TRPV5: variants seen among roughly 807,000 people sequenced by gnomAD.
TRPV5 encodes transient receptor potential cation channel subfamily V member 5.
A neutral mutation model predicts 74.1 loss-of-function variants in TRPV5; 66 were observed. That is an observed-to-expected ratio of 0.89 (90% CI 0.73 to 1.09). TRPV5 has a LOEUF of 1.09. Ranked by LOEUF, TRPV5 falls within the 50% of genes least tolerant of loss-of-function variation. The probability of loss-of-function intolerance (pLI) is 0.00; values close to 1 mark genes in which losing one functional copy is unlikely to be tolerated. For missense variants in TRPV5, 936 were observed against 930.4 expected (o/e 1.01, Z -0.08); for synonymous variants, 399 against 360.7 (o/e 1.11, Z -1.20).
intron 8 of TRPV5, among the ~76,000 whole-genome samples, chr7:142,920,792 G>A (rs554756527): frequency 9.9e-5 from 15 of 152,198 alleles, no homozygotes; most frequent in South Asian, 4.1e-4. Flanking sequence ...CACTCAAAAC[G>A]CGGTGCACAG....
intron 8 of TRPV5, among the ~76,000 whole-genome samples, chr7:142,919,548 G>A (rs1203591671): frequency 1.6e-4 from 25 of 152,164 alleles, no homozygotes; most frequent in Non-Finnish European, 2.8e-4. Context: ...GGCTAACAAC[G>A]CACAGAGAAG....
chr7:142,929,844 G>C (rs4252406), intron 3 of TRPV5, among the ~76,000 whole-genome samples: 3,207 of 152,238 alleles, frequency 0.021, 117 homozygotes, highest in African/African-American at 0.072. Context: ...GTCCTACAGG[G>C]ACTATGGGAG....
rs140007515 is a variant in TRPV5, at chr7:142,921,407, G to A, written c.1122+4122C>T. Among the ~76,000 whole-genome samples, 154 of 152,056 alleles carry A rather than the reference G, an allele frequency of 1.0e-3. 1 individual carries two copies. In the East Asian group the frequency reaches 0.027, roughly 27 times the overall value. ...AGCGATTCTCCTCTCTCAGCCTCCC[G>A]AATAGCTGGGATTACAGGTGCTCAC... On this transcript the variant is annotated intron_variant, in intron 8 of 14. Transcript: ENST00000265310.
At chr7:142,920,893 AG>A (rs536030797) in intron 8 of TRPV5, among the ~76,000 whole-genome samples, 140 of 152,316 alleles carry the variant, frequency 9.2e-4, no homozygotes, top group Non-Finnish European at 1.7e-3. Context: ...CAGTTTAATA[AG>A]GCCTCAAAAA....
chr7:142,927,937 A>G (rs1796013841), intron 7 of TRPV5, 151 bp downstream of exon 7: 1 of 892,896 alleles, frequency 1.1e-6, no homozygotes, highest in Non-Finnish European at 1.7e-6. Context: ...TGTGCATTGG[A>G]CTTTCCCCCA....
At chr7:142,923,930 A>C (rs1795924705) in intron 8 of TRPV5, among the ~76,000 whole-genome samples, 1 of 152,172 alleles carries the variant, frequency 6.6e-6, no homozygotes, top group South Asian at 2.1e-4. Context: ...GAGACAAAGG[A>C]AGGTTGGAGA....
intron 8 of TRPV5, among the ~76,000 whole-genome samples, chr7:142,919,084 C>T (rs563674980): frequency 3.3e-5 from 5 of 152,188 alleles, no homozygotes; most frequent in African/African-American, 9.7e-5. Context: ...TCACCCTCAC[C>T]GATGCCTCAA....
At chr7:142,932,865 T>A (rs1411400543) in intron 1 of TRPV5, among the ~76,000 whole-genome samples, 1 of 152,206 alleles carries the variant, frequency 6.6e-6, no homozygotes, top group Admixed American at 6.5e-5. Flanking sequence ...GCTGCCCTCC[T>A]CCACTGGTCA....
At chr7:142,914,542 C>A in intron 12 of TRPV5, 98 bp downstream of exon 12, 5 of 1,070,656 alleles carry the variant, frequency 4.7e-6, no homozygotes, top group South Asian at 1.5e-5. Context: ...AAAAAGAAAG[C>A]AAAATGAAGT....
Position 142,929,712 on chromosome 7 carries a change from G to C in TRPV5, c.350-147C>G, listed in dbSNP as rs55951211. On this transcript the variant is annotated intron_variant, in intron 3 of 14. Transcript: ENST00000265310. Reference sequence around the variant, plus strand: ...GCTTGGCAGGGTGGCCTGGGACTAAGAGCAATTCATCCCTCAGGCTGCCCT... The same window carrying C: ...GCTTGGCAGGGTGGCCTGGGACTAACAGCAATTCATCCCTCAGGCTGCCCT... The C allele has an allele frequency of 4.4e-5, 57 of 1,288,228 alleles. 1 individual carries two copies. In the Admixed American group the frequency reaches 9.1e-4, roughly 20 times the overall value. 79.8% of individuals were successfully genotyped at this position (1,288,228 alleles called of 1,614,324 possible). A position where few individuals can be genotyped will look rare whatever the true frequency, so the allele number is the denominator to read the frequency against.
At chr7:142,924,255 T>C (rs1288227742) in intron 8 of TRPV5, among the ~76,000 whole-genome samples, 2 of 126,740 alleles carry the variant, frequency 1.6e-5, no homozygotes, top group Non-Finnish European at 3.1e-5. Flanking sequence ...CATATACATG[T>C]ATATATATAC....
At position 142,930,033 on chromosome 7, in the gene TRPV5, T is replaced by C. The variant is rs1456424556; in HGVS notation, c.349+25A>G. 5.6e-6 allele frequency: 9 copies of C among 1,613,408 alleles called. No individual in the cohort carries two copies. In the South Asian group the frequency reaches 6.6e-5, roughly 12 times the overall value. Reference sequence around the variant, plus strand: ...CACCCTCCATCTCAAAGTTTCCACCTTGAATTACCATGTAGGCTCCTTACC... The same window carrying C: ...CACCCTCCATCTCAAAGTTTCCACCCTGAATTACCATGTAGGCTCCTTACC... On this transcript the variant is annotated intron_variant, in intron 3 of 14. Transcript: ENST00000265310.
Position 142,925,566 on chromosome 7 carries a change from G to A in TRPV5, c.1085C>T (p.Ser362Phe). Reference protein sequence around the residue: ...LKFRGGNRTHSRDITILQQKL... With the variant: ...LKFRGGNRTHFRDITILQQKL... ...TTGCTGGAGGATGGTGATGTCTCGA[G>A]AATGAGTGCGGTTGCCACCACGAAA... Residue 362 changes from serine (S) to phenylalanine (F), a missense_variant, in exon 8 of 15, where the codon TCT becomes TTT. Physicochemically the swap from Ser to Phe is radical, Grantham distance 155. Coordinates refer to ENST00000265310, the MANE Select transcript of TRPV5 (RefSeq NM_019841.7). 1 of 1,614,220 alleles carries A rather than the reference G, an allele frequency of 6.2e-7. No individual in the cohort carries two copies. The highest frequency in any genetic ancestry group is 1.3e-5 in the African/African-American group (1 of 75,056).
chr7:142,925,554 G>T lies in TRPV5; in HGVS notation c.1097C>A (p.Thr366Asn). 1.2e-6 allele frequency: 2 copies of T among 1,614,182 alleles called. No individual in the cohort carries two copies. Among genetic ancestry groups the T allele is most frequent in the South Asian group, 1.1e-5 (1 of 91,084 alleles). The change falls in exon 8 of 15, where the codon ACC becomes AAC. Residue 366 changes from threonine to asparagine, a missense_variant. Transcript: ENST00000265310. Reference protein sequence around the residue: ...GGNRTHSRDITILQQKLLQEA... With the variant: ...GGNRTHSRDINILQQKLLQEA... ...CTGTAGTAGTTTTTGCTGGAGGATGGTGATGTCTCGAGAATGAGTGCGGTT... is the reference window on the plus strand; with the variant it reads ...CTGTAGTAGTTTTTGCTGGAGGATGTTGATGTCTCGAGAATGAGTGCGGTT...
intron 8 of TRPV5, among the ~76,000 whole-genome samples, chr7:142,924,263 T>G (rs1402326443): frequency 8.2e-6 from 1 of 121,520 alleles, no homozygotes; most frequent in Non-Finnish European, 1.6e-5. Flanking sequence ...TGTATATATA[T>G]ACATATATAT....
In TRPV5 at chr7:142,908,460, T is replaced by A. The variant is rs1457648228; in HGVS notation, c.*54A>T. 1 of 1,591,680 alleles carries A rather than the reference T, an allele frequency of 6.3e-7. No homozygotes were observed. Among genetic ancestry groups the A allele is most frequent in the Admixed American group, 1.7e-5 (1 of 59,296 alleles). The stretch of plus-strand genomic sequence containing the variant: ...TTGCATAGGCAGAGGTCTCCGTCTC[T>A]GTCCCCGCCCCCAGGCCAACCGGGA... On this transcript the variant is annotated 3_prime_UTR_variant, in exon 15 of 15. Coordinates refer to ENST00000265310, the MANE Select transcript of TRPV5 (RefSeq NM_019841.7).
chr7:142,912,721 G>A lies in TRPV5; in HGVS notation c.1549C>T (p.Pro517Ser). 1 of 1,614,118 alleles carries A rather than the reference G, an allele frequency of 6.2e-7. No individual in the cohort carries two copies. The part of the protein sequence containing the change: ...AFYIIFQTED[P>S]TSLGQFYDYP... ...TCATAGAATTGCCCCAGACTGGTTG[G>A]GTCCTCTGTCTGGAAAATGATATAG... The change falls in exon 13 of 15, where the codon CCA becomes TCA. Residue 517 changes from proline to serine, a missense_variant. Coordinates refer to ENST00000265310, the MANE Select transcript of TRPV5 (RefSeq NM_019841.7).
chr7:142,932,527 G>T (rs974880610), intron 1 of TRPV5, among the ~76,000 whole-genome samples: 1 of 152,168 alleles, frequency 6.6e-6, no homozygotes, highest in South Asian at 2.1e-4. Context: ...GAGTACAGGG[G>T]AGCCCTTTGT....
Position 142,912,438 on chromosome 7 carries a change from C to T in TRPV5, c.1788+44G>A, listed in dbSNP as rs769341849. ...TAACATTTTCCACTTTGATTTTTCT[C>T]TCCAACCCCTGCTTCTTAGCAAGAC... On this transcript the variant is annotated intron_variant, in intron 13 of 14. Coordinates refer to ENST00000265310, the MANE Select transcript of TRPV5 (RefSeq NM_019841.7). 1.4e-5 allele frequency: 22 copies of T among 1,581,928 alleles called. No homozygotes were observed. In the South Asian group the frequency reaches 2.4e-4, roughly 17 times the overall value.
Sources: gnomAD v4.1 joint callset for allele counts (sites outside exome capture counted in the v4.1 genomes callset) on GRCh38, gnomAD v4.1.1 for gene constraint, MANE v1.5 for transcripts, NCBI Gene and HGNC (gene_info 2026-07-23, HGNC 2026-07-21) for gene names.